Variants in KIF7 observed in about 807,000 individuals in gnomAD.
KIF7 encodes the protein kinesin-like protein KIF7.
A neutral mutation model predicts 135.7 loss-of-function variants in KIF7; 104 were observed. The ratio of observed to expected loss-of-function variants is 0.77; its 90% CI spans 0.65 to 0.90. The LOEUF (loss-of-function observed/expected upper bound fraction) is 0.90. Among genes scored for constraint, KIF7 ranks in the 40% least tolerant of loss-of-function variants. KIF7 has a pLI of 0.00. For missense variants in KIF7, 2,005 were observed against 1,839.1 expected (o/e 1.09, Z -1.65); for synonymous variants, 883 against 809.4 (o/e 1.09, Z -1.54).
downstream of KIF7, chr15:89,625,546 C>G: frequency 6.2e-7 from 1 of 1,613,408 alleles, no homozygotes; most frequent in Non-Finnish European, 8.5e-7. Context: ...AGTGTGCCAG[C>G]TCCCAGACCA....
rs148749994 is a variant in KIF7, at chr15:89,628,656, C to T, written c.3795G>A (p.Thr1265=). Residue 1265 remains threonine (T), a synonymous_variant, in exon 19 of 19, where the codon ACG becomes ACA. Coordinates refer to ENST00000394412, the MANE Select transcript of KIF7 (RefSeq NM_198525.3). ...TEGAPRTREE[T]RDLVHAPLPL... The stretch of plus-strand genomic sequence containing the variant: ...GTAACGGAGCGTGGACCAAGTCCCG[C>T]GTCTCCTCCCGGGTGCGGGGGGCCC... 5.4e-5 allele frequency: 87 copies of T among 1,613,050 alleles called. No homozygotes were observed. Among genetic ancestry groups the T allele is most frequent in the Admixed American group, 1.3e-4 (8 of 59,996 alleles).
chr15:89,645,302 G>T, intron 9 of KIF7, 34 bp downstream of exon 9: 2 of 1,605,074 alleles, frequency 1.2e-6, no homozygotes, highest in Non-Finnish European at 1.7e-6. Flanking sequence ...GGGGCAGTGG[G>T]GAGGAGGCCC....
chr15:89,642,587 T>G (rs1963943707), intron 10 of KIF7, among the ~76,000 whole-genome samples, 182 bp from the exon 11 acceptor site: 1 of 152,228 alleles, frequency 6.6e-6, no homozygotes, highest in Non-Finnish European at 1.5e-5. Context: ...ATTTATTTAT[T>G]GAGACGGAGT....
chr15:89,635,112 G>A (rs1173158534), intron 11 of KIF7, among the ~76,000 whole-genome samples: 3 of 151,724 alleles, frequency 2.0e-5, no homozygotes, highest in Non-Finnish European at 4.4e-5. Context: ...CTGCAGCTGA[G>A]GGTCCTGTAT....
At position 89,652,838 on chromosome 15, in the gene KIF7, C is replaced by T; in HGVS notation, c.93G>A (p.Leu31=). The change falls in exon 2 of 19, where the codon CTG becomes CTA. Residue 31 remains leucine (L), a synonymous_variant. Transcript: ENST00000394412. ...CCTGCAGGCAGCTCTGATGCCCGTG[C>T]AGCAGCTCCTTGGGCAGCAGTGGTC... ...RVRPLLPKEL[L]HGHQSCLQVE... The T allele has an allele frequency of 6.5e-7, 1 of 1,549,890 alleles. No homozygotes were observed.
intron 16 of KIF7, chr15:89,630,053 T>C (rs1963638523): frequency 3.4e-6 from 2 of 586,546 alleles, no homozygotes; most frequent in South Asian, 2.0e-5. Context: ...ATTGTGGCCA[T>C]GGACCACCCT....
At chr15:89,619,528 C>T (rs1963389564) in intron 1 of KIF7, among the ~76,000 whole-genome samples, 1 of 152,042 alleles carries the variant, frequency 6.6e-6, no homozygotes. Flanking sequence ...TTGTTGGGAC[C>T]ATGTATCAAA....
intron 17 of KIF7, 71 bp from the exon 18 acceptor site, chr15:89,629,193 G>T: frequency 7.5e-6 from 2 of 266,888 alleles, no homozygotes; most frequent in Non-Finnish European, 1.2e-5. Context: ...CTGTGGGGGT[G>T]GGGGCTGTGG....
chr15:89,618,927 C>T (rs1404913931), intron 1 of KIF7, among the ~76,000 whole-genome samples: 1 of 152,134 alleles, frequency 6.6e-6, no homozygotes, highest in Non-Finnish European at 1.5e-5. Flanking sequence ...CCTCTGCACT[C>T]CAGCCTAGCG....
At position 89,630,331 on chromosome 15, in the gene KIF7, A is replaced by C; in HGVS notation, c.3274T>G (p.Ser1092Ala). The change falls in exon 16 of 19, where the codon TCA (serine) becomes GCA (alanine). Residue 1092 changes from serine (S) to alanine (A), a missense_variant. By Grantham distance (99) the Ser-to-Ala change is moderately conservative. Transcript: ENST00000394412. The stretch of plus-strand genomic sequence containing the variant: ...AGGAGGGCTCTGGTCTCTGAGGATG[A>C]GAGGTAGCTGAGCTTGGCCATGAGG... ...MNLMAKLSYL[S>A]SSETRALLCK... The C allele has an allele frequency of 6.2e-7, 1 of 1,614,174 alleles. No homozygotes were observed. Among genetic ancestry groups the C allele is most frequent in the African/African-American group, 1.3e-5 (1 of 75,060 alleles).
Position 89,628,757 on chromosome 15 carries a change from C to A in KIF7, c.3694G>T (p.Gly1232Cys). 6.2e-7 allele frequency: 1 copy of A among 1,612,352 alleles called. No individual in the cohort carries two copies. Among genetic ancestry groups the A allele is most frequent in the Non-Finnish European group, 8.5e-7 (1 of 1,179,964 alleles). The change falls in exon 19 of 19, where the codon GGC (glycine) becomes TGC (cysteine). Residue 1232 changes from glycine (G) to cysteine (C), a missense_variant. Coordinates refer to ENST00000394412, the MANE Select transcript of KIF7 (RefSeq NM_198525.3). ...TCTTCATTTCCAGGAGCCTGTCTGC[C>A]CTCCGAGCACAGGCTCCTCTTCTCC... ...GGEKRSLCSEGRQAPGNEDEL... is the reference protein window; with the variant it reads ...GGEKRSLCSECRQAPGNEDEL...
chr15:89,649,689 TGAAGCCCCCC>T (rs1436742899), intron 3 of KIF7, 42 bp downstream of exon 3: 1 of 1,527,060 alleles, frequency 6.5e-7, no homozygotes, highest in Admixed American at 2.0e-5. Flanking sequence ...TCCAAACAGG[TGAAGCCCCCC>T]TAAGCCCCTC....
At chr15:89,652,521 G>T in intron 2 of KIF7, 82 bp downstream of exon 2, 1 of 1,080,246 alleles carries the variant, frequency 9.3e-7, no homozygotes, top group Non-Finnish European at 1.3e-6. Context: ...CACAGAACAG[G>T]CAGCAAGAGG....
chr15:89,632,740 C>A, intron 14 of KIF7, 80 bp downstream of exon 14: 1 of 1,472,942 alleles, frequency 6.8e-7, no homozygotes, highest in Non-Finnish European at 9.2e-7. Context: ...TTGGCAGGAG[C>A]TCACCTGGCA....
chr15:89,617,715 CAG>C (rs1963358050), intron 2 of KIF7, among the ~76,000 whole-genome samples: 3 of 126,864 alleles, frequency 2.4e-5, no homozygotes, highest in Non-Finnish European at 4.8e-5. Context: ...TTTTTTGAGA[CAG>C]AGTCTAGCTC....
In KIF7 at chr15:89,647,760, G is replaced by A. The variant is rs150279773; in HGVS notation, c.1444-48C>T. Reference sequence around the variant, plus strand: ...TCAGGGGCGGGGGTTGACAGGGCGAGCTGGACACCCGGCCTCTTCTTGTTT... The same window carrying A: ...TCAGGGGCGGGGGTTGACAGGGCGAACTGGACACCCGGCCTCTTCTTGTTT... On this transcript the variant is annotated intron_variant, in intron 5 of 18. Transcript: ENST00000394412. 3.0e-4 allele frequency: 406 copies of A among 1,354,490 alleles called. 3 individuals are homozygous for A. In the African/African-American group the frequency reaches 4.9e-3, roughly 16 times the overall value. The allele number at this position is 1,354,490 out of a possible 1,614,324, so 83.9% of individuals were successfully genotyped here. A position where few individuals can be genotyped will look rare whatever the true frequency, so the allele number is the denominator to read the frequency against.
In KIF7 at chr15:89,630,422, C is replaced by T. The variant is rs541580399; in HGVS notation, c.3183G>A (p.Glu1061=). 21 of 1,604,636 alleles carry T rather than the reference C, an allele frequency of 1.3e-5. No individual in the cohort carries two copies. In the South Asian group the frequency reaches 2.1e-4, roughly 16 times the overall value. The change falls in exon 16 of 19, where the codon GAG becomes GAA. Residue 1061 remains glutamate (E), a synonymous_variant. Transcript: ENST00000394412. ...GCACCCGCTGGCGGCATGTGATGGC[C>T]TCATTCTTATACTCAATGGCAGCAT... The part of the protein sequence containing the change: ...ALDAAIEYKN[E]AITCRQRVLR...
intron 1 of KIF7, among the ~76,000 whole-genome samples, chr15:89,653,694 C>A (rs781673385): frequency 3.3e-5 from 5 of 152,214 alleles, no homozygotes; most frequent in Non-Finnish European, 7.3e-5. Context: ...CCTCCCACCT[C>A]AGCCTTCAGA....
chr15:89,646,577 C>G (rs970810437), intron 7 of KIF7, among the ~76,000 whole-genome samples: 1 of 152,210 alleles, frequency 6.6e-6, no homozygotes, highest in African/African-American at 2.4e-5. Flanking sequence ...TGAACCCCCT[C>G]TGTAACCTCC....
Sources: gnomAD v4.1 joint callset for allele counts (sites outside exome capture counted in the v4.1 genomes callset) on GRCh38, gnomAD v4.1.1 for gene constraint, MANE v1.5 for transcripts, NCBI Gene and HGNC (gene_info 2026-07-23, HGNC 2026-07-21) for gene names.